The following HECA variants were observed in gnomAD, a reference collection of about 807,000 sequenced individuals.
HECA encodes the protein headcase protein homolog.
HECA carries 13 observed loss-of-function variants against 37.6 expected under a neutral mutation model. That is an observed-to-expected ratio of 0.35 (90% CI 0.23 to 0.55). HECA has a LOEUF of 0.55. Ranked by LOEUF, HECA falls within the 20% of genes least tolerant of loss-of-function variation. The pLI, the probability that HECA is intolerant of heterozygous loss-of-function variation, is 0.90. For missense variants in HECA, 527 were observed against 701.9 expected (o/e 0.75, Z 2.82); for synonymous variants, 307 against 291.5 (o/e 1.05, Z -0.54).
chr6:139,154,393 C>A (rs775987347), intron 1 of HECA, among the ~76,000 whole-genome samples: 3 of 152,144 alleles, frequency 2.0e-5, no homozygotes, highest in Non-Finnish European at 4.4e-5. Context: ...CAAAAAAAAA[C>A]TCTGGACTGG....
At chr6:139,163,528 A>G (rs1774837580) in intron 1 of HECA, among the ~76,000 whole-genome samples, 1 of 151,628 alleles carries the variant, frequency 6.6e-6, no homozygotes, top group South Asian at 2.1e-4. Flanking sequence ...TAATTTTTGT[A>G]TTTTTAGTAG....
rs368734916 is a variant in HECA, at chr6:139,174,510, G to A, written c.1438G>A (p.Asp480Asn). Residue 480 changes from aspartate to asparagine, a missense_variant, in exon 3 of 4, where the codon GAC (aspartate) becomes AAC (asparagine). Physicochemically the swap from Asp to Asn is conservative, Grantham distance 23. This residue lies in a region of HECA where 106 missense variants were observed against 193.4 expected (regional missense o/e 0.55). Coordinates refer to ENST00000367658, the MANE Select transcript of HECA (RefSeq NM_016217.3). ...CCAGCTGGGCACTATGTACACCTAC[G>A]ACATCCTGGCTGCCTCTCCATGTTG... ...WHQLGTMYTYDILAASPCCQA... is the reference protein window; with the variant it reads ...WHQLGTMYTYNILAASPCCQA... The A allele has an allele frequency of 1.5e-5, 25 of 1,613,894 alleles. No homozygotes were observed. Among genetic ancestry groups the A allele is most frequent in the Admixed American group, 5.0e-5 (3 of 59,978 alleles).
rs1168914135 is a variant in HECA, at chr6:139,179,011, T to C, written c.*1906T>C. 6.6e-6 allele frequency: 1 copy of C among 152,238 alleles called. No individual in the cohort carries two copies. The highest frequency in any genetic ancestry group is 1.5e-5 in the Non-Finnish European group (1 of 68,044). The allele number at this position is 152,238 out of a possible 1,614,324, so 9.4% of individuals were successfully genotyped here. A position where few individuals can be genotyped will look rare whatever the true frequency, so the allele number is the denominator to read the frequency against. On this transcript the variant is annotated 3_prime_UTR_variant, in exon 4 of 4. Coordinates refer to ENST00000367658, the MANE Select transcript of HECA (RefSeq NM_016217.3). ...CTGCATCTAGGTTGGTGTTTGATCA[T>C]CTGAAAAAACATTTCAGTGGGAAGA...
At chr6:139,142,811 G>A (rs1338850131) in intron 1 of HECA, among the ~76,000 whole-genome samples, 1 of 152,166 alleles carries the variant, frequency 6.6e-6, no homozygotes, top group Non-Finnish European at 1.5e-5. Context: ...AGCTGGGCAT[G>A]GTGGCGGGCT....
At chr6:139,162,874 A>T (rs1201444594) in intron 1 of HECA, among the ~76,000 whole-genome samples, 3 of 152,140 alleles carry the variant, frequency 2.0e-5, no homozygotes, top group Non-Finnish European at 4.4e-5. Context: ...TTTGGCCTGT[A>T]TTCCCTGAGC....
intron 2 of HECA, among the ~76,000 whole-genome samples, chr6:139,172,127 AGCCC>A (rs1774982566): frequency 6.6e-6 from 1 of 152,000 alleles, no homozygotes; most frequent in African/African-American, 2.4e-5. Context: ...CACTGCGCCC[AGCCC>A]TAAACTTTTT....
Position 139,148,833 on chromosome 6 carries a change from C to T in HECA, c.271+13166C>T, listed in dbSNP as rs550001023. Among the ~76,000 whole-genome samples, 7 of 152,270 alleles carry T rather than the reference C, an allele frequency of 4.6e-5. No homozygotes were observed. In the East Asian group the frequency reaches 1.4e-3, roughly 29 times the overall value. On this transcript the variant is annotated intron_variant, in intron 1 of 3. Transcript: ENST00000367658. ...CCTCCTCTCCGAGTCTCTGGCCACTCACTGCTGTCGAGTCAATAGCTGAGC... is the reference window on the plus strand; with the variant it reads ...CCTCCTCTCCGAGTCTCTGGCCACTTACTGCTGTCGAGTCAATAGCTGAGC...
In HECA at chr6:139,166,846, C is replaced by T. The variant is rs752644804; in HGVS notation, c.834C>T (p.Ser278=). 2 of 1,613,800 alleles carry T rather than the reference C, an allele frequency of 1.2e-6. No homozygotes were observed. Among genetic ancestry groups the T allele is most frequent in the African/African-American group, 1.3e-5 (1 of 74,942 alleles). The change falls in exon 2 of 4, where the codon TCC becomes TCT. Residue 278 remains serine, a synonymous_variant. Coordinates refer to ENST00000367658, the MANE Select transcript of HECA (RefSeq NM_016217.3). ...GCCAGTCCCCACCCACGGGCTACTC[C>T]ATCCTCTCTCCTGCCCACTTCAGCG... ...SPGQSPPTGY[S]ILSPAHFSGP...
In HECA at chr6:139,176,290, A is replaced by G. The variant is rs1308704993; in HGVS notation, c.1468-651A>G. On this transcript the variant is annotated intron_variant, in intron 3 of 3. Transcript: ENST00000367658. This position sits in a 1 kb window ranked among gnomAD's most constrained non-coding sequence, Gnocchi z 4.5. ...CAGCTAATACTACCTACCTCCCAGG[A>G]GTATTTTGAGAACAAGTTGAGATTA... 6.6e-6 allele frequency among the ~76,000 whole-genome samples: 1 copy of G among 152,190 alleles called. No individual in the cohort carries two copies. Among genetic ancestry groups the G allele is most frequent in the Admixed American group, 6.5e-5 (1 of 15,276 alleles).
intron 1 of HECA, among the ~76,000 whole-genome samples, chr6:139,146,614 G>C (rs568101157): frequency 6.6e-5 from 10 of 152,294 alleles, no homozygotes; most frequent in East Asian, 1.9e-4. Flanking sequence ...GCGGGAGCCT[G>C]AGATGGCTGG....
chr6:139,160,800 G>A (rs1774788491), intron 1 of HECA, among the ~76,000 whole-genome samples: 2 of 152,174 alleles, frequency 1.3e-5, no homozygotes, highest in African/African-American at 4.8e-5. Context: ...CATTTATCTG[G>A]GGAGTGAAAT....
rs1245674126 is a variant in HECA at position 139,166,724 on chromosome 6, G to A, written c.712G>A (p.Asp238Asn). 6.2e-7 allele frequency: 1 copy of A among 1,610,944 alleles called. No individual in the cohort carries two copies. Among genetic ancestry groups the A allele is most frequent in the Non-Finnish European group, 8.5e-7 (1 of 1,178,722 alleles). Residue 238 changes from aspartate (D) to asparagine (N), a missense_variant, in exon 2 of 4, where the codon GAC becomes AAC. Around this residue, in one of 4 missense-constraint regions of HECA, gnomAD observed 228 missense variants for 259.8 expected, o/e 0.88. Transcript: ENST00000367658. ...PNKPQKGPSH[D>N]LPRRHSMDRQ... ...TAAGCCCCAGAAAGGCCCAAGCCAC[G>A]ACCTCCCCCGCCGGCATTCCATGGA...
intron 1 of HECA, among the ~76,000 whole-genome samples, chr6:139,147,163 CA>C (rs1188710351): frequency 6.6e-6 from 1 of 152,164 alleles, no homozygotes; most frequent in African/African-American, 2.4e-5. Context: ...GCCTGACCCC[CA>C]TGCTTTATAG....
chr6:139,135,978 C>T (rs1202741470), intron 1 of HECA, among the ~76,000 whole-genome samples: 1 of 151,828 alleles, frequency 6.6e-6, no homozygotes, highest in Non-Finnish European at 1.5e-5. Flanking sequence ...CCGTGTGTGC[C>T]GGGCCGAAGG....
intron 1 of HECA, among the ~76,000 whole-genome samples, chr6:139,149,069 A>G (rs1338810971): frequency 1.3e-5 from 2 of 152,204 alleles, no homozygotes; most frequent in East Asian, 3.9e-4. Flanking sequence ...GAATCATAAG[A>G]AAGTTCTCAT....
intron 1 of HECA, among the ~76,000 whole-genome samples, chr6:139,136,549 G>A (rs1433189131): frequency 6.6e-6 from 1 of 151,990 alleles, no homozygotes; most frequent in Admixed American, 6.5e-5. Flanking sequence ...GTATTTTAAT[G>A]AAGGGAGATT....
Position 139,135,551 on chromosome 6 carries a change from C to T in HECA, c.155C>T (p.Ala52Val), listed in dbSNP as rs1266157309. Residue 52 changes from alanine (A) to valine (V), a missense_variant, in exon 1 of 4, where the codon GCG becomes GTG. Transcript: ENST00000367658. ...CTGGCGGCGGCGGCCGGTTGCGGGGCGGCGGCGGCGGGCGCGCCGGGCGCC... is the reference window on the plus strand; with the variant it reads ...CTGGCGGCGGCGGCCGGTTGCGGGGTGGCGGCGGCGGGCGCGCCGGGCGCC... The part of the protein sequence containing the change: ...GALAAAAGCG[A>V]AAAGAPGAGG... The T allele has an allele frequency of 1.2e-4, 118 of 961,976 alleles. No homozygotes were observed. The highest frequency in any genetic ancestry group is 1.4e-4 in the Non-Finnish European group (112 of 813,272). 59.6% of individuals were successfully genotyped at this position (961,976 alleles called of 1,614,324 possible).
intron 1 of HECA, among the ~76,000 whole-genome samples, chr6:139,141,099 A>G (rs1161194622): frequency 6.6e-6 from 1 of 152,126 alleles, no homozygotes; most frequent in Non-Finnish European, 1.5e-5. Context: ...CCTCTTTGGC[A>G]TTTTTAAGGG....
chr6:139,161,366 G>C (rs913048139), intron 1 of HECA, among the ~76,000 whole-genome samples: 1 of 152,114 alleles, frequency 6.6e-6, no homozygotes, highest in Non-Finnish European at 1.5e-5. Context: ...AACAAGCAGG[G>C]CTGGCAAGTT....
Sources: gnomAD v4.1 joint callset for allele counts (sites outside exome capture counted in the v4.1 genomes callset) on GRCh38, gnomAD v4.1.1 for gene constraint, gnomAD v4.1.1 regional missense constraint, Gnocchi (gnomAD v3.1) non-coding constraint, MANE v1.5 for transcripts, NCBI Gene and HGNC (gene_info 2026-07-23, HGNC 2026-07-21) for gene names.